Variants in DYM observed in about 807,000 individuals in gnomAD.
The protein encoded by DYM is dymeclin.
A neutral mutation model predicts 93.1 loss-of-function variants in DYM; 78 were observed. The observed-to-expected ratio is 0.84, with a 90% CI of 0.70 to 1.01. The LOEUF (loss-of-function observed/expected upper bound fraction) is 1.01. Ranked by LOEUF, DYM falls within the 50% of genes least tolerant of loss-of-function variation. The pLI, the probability that DYM is intolerant of heterozygous loss-of-function variation, is 0.00. For synonymous variants in DYM, 321 were observed against 319.7 expected (o/e 1.00, Z -0.04); for missense variants, 789 against 845.0 (o/e 0.93, Z 0.82).
At chr18:49,190,731 T>C (rs1028341972) in intron 14 of DYM, among the ~76,000 whole-genome samples, 1 of 152,144 alleles carries the variant, frequency 6.6e-6, no homozygotes, top group Non-Finnish European at 1.5e-5. Flanking sequence ...GATCCACTTA[T>C]ACATGCATTT....
At chr18:49,393,972 G>C (rs1465594194) in intron 2 of DYM, among the ~76,000 whole-genome samples, 1 of 152,108 alleles carries the variant, frequency 6.6e-6, no homozygotes, top group Non-Finnish European at 1.5e-5. Context: ...GATTGCCAGG[G>C]GCTGGGGATG....
intron 17 of DYM, 41 bp from the exon 18 acceptor site, chr18:49,044,245 A>C (rs747334934): frequency 1.3e-5 from 21 of 1,611,492 alleles, no homozygotes; most frequent in Non-Finnish European, 1.8e-5. Context: ...CCACAGTTCC[A>C]TGCACAAGCA....
At chr18:49,210,231 CTT>C (rs2092716637) in intron 13 of DYM, among the ~76,000 whole-genome samples, 1 of 152,196 alleles carries the variant, frequency 6.6e-6, no homozygotes, top group South Asian at 2.1e-4. Context: ...GAGTTGAAAA[CTT>C]ATATCCACAC....
At chr18:49,081,519 AGGGAGAGGGGAGAG>A (rs55920237) in intron 17 of DYM, among the ~76,000 whole-genome samples, 31,160 of 123,208 alleles carry the variant, frequency 0.25, 5,485 homozygotes, top group East Asian at 0.54. Flanking sequence ...GGAGACCGAG[AGGGAGAGGGGAGAG>A]GGGAGAGGGG....
intron 8 of DYM, among the ~76,000 whole-genome samples, chr18:49,327,813 T>C (rs1189790603): frequency 6.6e-6 from 1 of 152,192 alleles, no homozygotes; most frequent in Non-Finnish European, 1.5e-5. Flanking sequence ...TGAGTTCACA[T>C]CTATCTTGAG....
intron 2 of DYM, among the ~76,000 whole-genome samples, chr18:49,418,786 G>A (rs2073299548): frequency 6.6e-6 from 1 of 152,072 alleles, no homozygotes; most frequent in African/African-American, 2.4e-5. Context: ...CTGTCAACAA[G>A]GGGGCACCTG....
chr18:49,232,453 A>G (rs1323048890), intron 13 of DYM, among the ~76,000 whole-genome samples: 1 of 150,526 alleles, frequency 6.6e-6, no homozygotes, highest in Non-Finnish European at 1.5e-5. Context: ...ACAGGCACCC[A>G]CCACCACACC....
In DYM at chr18:49,289,817, A is replaced by G. The variant is rs571009697; in HGVS notation, c.764-3201T>C. ...CACATATATATATATATACACATAT[A>G]TATTTATTTATATATTTTAAACGGA... On this transcript the variant is annotated intron_variant, in intron 8 of 17. Transcript: ENST00000675505. Among the ~76,000 whole-genome samples, 449 of 133,634 alleles carry G rather than the reference A, an allele frequency of 3.4e-3. 10 individuals are homozygous for G. The highest frequency in any genetic ancestry group is 0.012 in the African/African-American group (414 of 34,176). 87.7% of individuals were successfully genotyped at this position (133,634 alleles called of 152,430 possible).
chr18:49,291,733 G>A (rs1414903009), intron 8 of DYM, among the ~76,000 whole-genome samples: 1 of 152,138 alleles, frequency 6.6e-6, no homozygotes, highest in Non-Finnish European at 1.5e-5. Flanking sequence ...AATTAAAATT[G>A]TCAATAATTG....
intron 16 of DYM, among the ~76,000 whole-genome samples, chr18:49,098,215 T>C: frequency 6.6e-6 from 1 of 152,230 alleles, no homozygotes; most frequent in East Asian, 1.9e-4. Flanking sequence ...TGCAGATCCC[T>C]TTTAAATTCA....
In DYM at chr18:49,317,696, T is replaced by C. The variant is rs62104618; in HGVS notation, c.763+14168A>G. ...TCCTTCCTTCCTTCCTTCCTTTCTT[T>C]CTTTCTTTCAAGCAATTCTCGTGCC... On this transcript the variant is annotated intron_variant, in intron 8 of 17. Transcript: ENST00000675505. Among the ~76,000 whole-genome samples, 283 of 98,986 alleles carry C rather than the reference T, an allele frequency of 2.9e-3. 1 individual carries two copies. Among genetic ancestry groups the C allele is most frequent in the South Asian group, 6.6e-3 (18 of 2,748 alleles). The allele number at this position is 98,986 out of a possible 152,430, so 64.9% of individuals were successfully genotyped here.
chr18:49,125,437 C>T (rs1458314637), intron 15 of DYM, among the ~76,000 whole-genome samples: 1 of 152,158 alleles, frequency 6.6e-6, no homozygotes, highest in African/African-American at 2.4e-5. Flanking sequence ...TACTAGCTTG[C>T]ATTGGCTGGA....
intron 8 of DYM, among the ~76,000 whole-genome samples, chr18:49,328,619 G>T (rs2063085664): frequency 6.6e-6 from 1 of 152,044 alleles, no homozygotes; most frequent in South Asian, 2.1e-4. Context: ...TCAAAAAGTG[G>T]GCAAAGGATA....
chr18:49,330,063 G>A (rs1473972187), intron 8 of DYM, among the ~76,000 whole-genome samples: 9 of 152,136 alleles, frequency 5.9e-5, no homozygotes, highest in Admixed American at 3.9e-4. Context: ...CCCAGAGAAC[G>A]TAGCTGTGCT....
intron 17 of DYM, among the ~76,000 whole-genome samples, chr18:49,062,054 G>C (rs1453810147): frequency 6.6e-6 from 1 of 152,168 alleles, no homozygotes; most frequent in African/African-American, 2.4e-5. Flanking sequence ...CAGTTTAGCA[G>C]TAGCTGCAGA....
At chr18:49,063,615 C>T (rs1427199228) in intron 17 of DYM, among the ~76,000 whole-genome samples, 5 of 129,024 alleles carry the variant, frequency 3.9e-5, no homozygotes, top group Admixed American at 1.6e-4. Flanking sequence ...CTTTCTTTCT[C>T]TCTCTTTTTT....
chr18:49,224,821 G>C (rs1267697646), intron 13 of DYM, among the ~76,000 whole-genome samples: 1 of 151,912 alleles, frequency 6.6e-6, no homozygotes, highest in Non-Finnish European at 1.5e-5. Context: ...ACTAAGACAG[G>C]GTGACTTTGA....
At chr18:49,106,232 C>G (rs974008855) in intron 16 of DYM, among the ~76,000 whole-genome samples, 5 of 152,094 alleles carry the variant, frequency 3.3e-5, no homozygotes, top group African/African-American at 1.2e-4. Flanking sequence ...GATTGCAACC[C>G]CTGCCTTTTG....
At chr18:49,151,626 A>C (rs559010557) in intron 15 of DYM, among the ~76,000 whole-genome samples, 3 of 152,336 alleles carry the variant, frequency 2.0e-5, no homozygotes, top group Admixed American at 2.0e-4. Flanking sequence ...CACATAAAAC[A>C]AACATTGCCT....
Sources: gnomAD v4.1 joint callset for allele counts (sites outside exome capture counted in the v4.1 genomes callset) on GRCh38, gnomAD v4.1.1 for gene constraint, MANE v1.5 for transcripts, NCBI Gene and HGNC (gene_info 2026-07-23, HGNC 2026-07-21) for gene names.